Variants in LGSN observed in about 807,000 individuals in gnomAD.
LGSN encodes the protein lengsin.
LGSN carries 21 observed loss-of-function variants against 19.5 expected under a neutral mutation model. The observed-to-expected ratio is 1.07, with a 90% CI of 0.76 to 1.55. LGSN has a LOEUF of 1.55. Among genes scored for constraint, LGSN ranks in the 40% most tolerant of loss-of-function variants. The pLI, the probability that LGSN is intolerant of heterozygous loss-of-function variation, is 0.00. For missense variants in LGSN, 673 were observed against 608.5 expected (o/e 1.11, Z -1.12); for synonymous variants, 257 against 215.6 (o/e 1.19, Z -1.68).
chr6:63,450,554 A>G, the LGSN span, among the ~76,000 whole-genome samples: 1 of 151,646 alleles, frequency 6.6e-6, no homozygotes, highest in Admixed American at 6.6e-5. Flanking sequence ...CCACCTCAAA[A>G]AAAAAAAGAA....
At chr6:63,326,130 C>A in the LGSN span, among the ~76,000 whole-genome samples, 2 of 152,050 alleles carry the variant, frequency 1.3e-5, no homozygotes, top group Admixed American at 6.5e-5. Flanking sequence ...ACCAGAGTAG[C>A]TAGATACAGA....
the LGSN span, among the ~76,000 whole-genome samples, chr6:63,448,556 G>T: frequency 6.6e-6 from 1 of 151,236 alleles, no homozygotes; most frequent in Non-Finnish European, 1.5e-5. Flanking sequence ...AGGGAGAGAA[G>T]ACAGGCAGGC....
the LGSN span, among the ~76,000 whole-genome samples, chr6:63,434,757 C>T: frequency 6.6e-6 from 1 of 152,118 alleles, no homozygotes; most frequent in Non-Finnish European, 1.5e-5. Context: ...ACAGGTGCCT[C>T]CCATTGGCCA....
chr6:63,350,655 C>A, the LGSN span, among the ~76,000 whole-genome samples: 4 of 152,168 alleles, frequency 2.6e-5, no homozygotes, highest in East Asian at 7.7e-4. Flanking sequence ...AGTTCCAGAC[C>A]AGCCTGGCCA....
At position 63,304,312 on chromosome 6, in the gene LGSN, G is replaced by C. The variant is rs529609089; in HGVS notation, c.31-9267C>G. ...GTTAGTTCCCTTTTTCTATGGCTTG[G>C]AGTAAATGAGGTAATGATTAGAAAT... On this transcript the variant is annotated intron_variant, in intron 1 of 3. Transcript: ENST00000370657. 2.6e-5 allele frequency among the ~76,000 whole-genome samples: 4 copies of C among 152,284 alleles called. No homozygotes were observed. The South Asian group carries it at 6.2e-4, about 24-fold the overall frequency.
At chr6:63,440,117 GT>G in the LGSN span, among the ~76,000 whole-genome samples, 2 of 152,228 alleles carry the variant, frequency 1.3e-5, no homozygotes, top group Non-Finnish European at 2.9e-5. Context: ...TAAGTTCTGA[GT>G]TTTTTGTATG....
chr6:63,286,380 T>C (rs1351768794), intron 2 of LGSN, among the ~76,000 whole-genome samples: 1 of 152,162 alleles, frequency 6.6e-6, no homozygotes. Flanking sequence ...AGATGAAAAG[T>C]CTGGACTGCA....
At chr6:63,397,283 T>C in the LGSN span, among the ~76,000 whole-genome samples, 8 of 152,218 alleles carry the variant, frequency 5.3e-5, no homozygotes, top group South Asian at 1.2e-3. Context: ...CTTTCACTCC[T>C]TTGGCTAATA....
the LGSN span, among the ~76,000 whole-genome samples, chr6:63,508,966 G>T: frequency 6.6e-6 from 1 of 151,116 alleles, no homozygotes; most frequent in Non-Finnish European, 1.5e-5. Context: ...GTGACTGAGT[G>T]AGGTGATAGT....
At chr6:63,527,946 A>G in the LGSN span, 1 of 152,194 alleles carries the variant, frequency 6.6e-6, no homozygotes, top group African/African-American at 2.4e-5. Context: ...TTTCTGTTGG[A>G]TTTAGAAAAG....
At chr6:63,488,959 A>C in the LGSN span, among the ~76,000 whole-genome samples, 1 of 152,340 alleles carries the variant, frequency 6.6e-6, no homozygotes, top group Admixed American at 6.5e-5. Context: ...CTTTCTGGAA[A>C]GTCACTTGAA....
the LGSN span, among the ~76,000 whole-genome samples, chr6:63,539,972 G>A: frequency 6.6e-6 from 1 of 152,148 alleles, no homozygotes; most frequent in African/African-American, 2.4e-5. Context: ...AGGGTTTGGG[G>A]GTGGGAGTAA....
the LGSN span, among the ~76,000 whole-genome samples, chr6:63,533,969 G>C: frequency 2.0e-5 from 3 of 151,880 alleles, no homozygotes; most frequent in East Asian, 1.9e-4. Context: ...TCAGCCTCCC[G>C]AGTAGCTGGA....
chr6:63,363,340 C>G, the LGSN span, among the ~76,000 whole-genome samples: 5 of 152,188 alleles, frequency 3.3e-5, no homozygotes, highest in African/African-American at 1.2e-4. Context: ...CAAAGCTGGA[C>G]AGAGAATGAC....
At chr6:63,379,324 G>A in the LGSN span, among the ~76,000 whole-genome samples, 2 of 152,120 alleles carry the variant, frequency 1.3e-5, no homozygotes, top group African/African-American at 2.4e-5. Flanking sequence ...AAAACGAGGA[G>A]ACAACTGCTG....
chr6:63,435,560 A>C, the LGSN span, among the ~76,000 whole-genome samples: 1 of 152,092 alleles, frequency 6.6e-6, no homozygotes, highest in South Asian at 2.1e-4. Context: ...AACAGATGAA[A>C]TAATTCTTTT....
At chr6:63,336,679 G>C in the LGSN span, among the ~76,000 whole-genome samples, 1 of 151,500 alleles carries the variant, frequency 6.6e-6, no homozygotes, top group Non-Finnish European at 1.5e-5. Context: ...AGGCTGGAGT[G>C]CAGTGGCATC....
chr6:63,330,822 C>T, the LGSN span, among the ~76,000 whole-genome samples: 12 of 152,316 alleles, frequency 7.9e-5, no homozygotes, highest in East Asian at 1.9e-4. Flanking sequence ...TCCAAACTCT[C>T]GGGCTGCAGC....
At chr6:63,487,355 A>G in the LGSN span, among the ~76,000 whole-genome samples, 214 of 152,294 alleles carry the variant, frequency 1.4e-3, 1 homozygote, top group African/African-American at 5.1e-3. Flanking sequence ...GTCTCCAAGG[A>G]GGGAGGGAAA....
Sources: gnomAD v4.1 joint callset for allele counts (sites outside exome capture counted in the v4.1 genomes callset) on GRCh38, gnomAD v4.1.1 for gene constraint, MANE v1.5 for transcripts, NCBI Gene and HGNC (gene_info 2026-07-23, HGNC 2026-07-21) for gene names.